KIAA1217: variants seen among roughly 807,000 people sequenced by gnomAD.
KIAA1217 encodes sickle tail protein homolog.
A neutral mutation model predicts 163.9 loss-of-function variants in KIAA1217; 88 were observed. That is an observed-to-expected ratio of 0.54 (90% confidence interval 0.45 to 0.64). KIAA1217 has a LOEUF of 0.64. Among genes scored for constraint, KIAA1217 ranks in the 30% least tolerant of loss-of-function variants. The pLI is 0.00. For missense variants in KIAA1217, 2,372 were observed against 2,475.0 expected, an observed-to-expected ratio of 0.96 and a Z score of 0.88; for synonymous variants, 903 against 923.1, an observed-to-expected ratio of 0.98 and a Z score of 0.39.
At chr10:24,228,288 A>G (rs2070873354) in intron 2 of KIAA1217, among the ~76,000 whole-genome samples, 1 of 151,964 alleles carries the variant, frequency 6.6e-6, no homozygotes, top group African/African-American at 2.4e-5. Flanking sequence ...AAAATCAAAT[A>G]TAGGTTATCA....
At chr10:24,135,722 G>T (rs1377877780) in intron 2 of KIAA1217, among the ~76,000 whole-genome samples, 1 of 152,088 alleles carries the variant, frequency 6.6e-6, no homozygotes, top group Non-Finnish European at 1.5e-5. Context: ...AGGCAGAAAG[G>T]ATTGGCAAGA....
rs11819268 is a variant in KIAA1217 at position 24,196,070 on chromosome 10, G to T, written c.-170-23556G>T. Among the ~76,000 whole-genome samples the T allele has an allele frequency of 1.3e-3, 190 of 151,948 alleles. 1 individual carries two copies. The highest frequency in any genetic ancestry group is 4.5e-3 in the African/African-American group (186 of 41,410). On this transcript the variant is annotated intron_variant, in intron 2 of 18. Transcript: ENST00000376462. ...GACTGCTTGAACCCAGAAGTTCAAG[G>T]CTGCAGCAAGGTATGATTGCACCAC...
intron 1 of KIAA1217, among the ~76,000 whole-genome samples, chr10:23,998,661 G>C (rs999083412): frequency 6.6e-6 from 1 of 152,134 alleles, no homozygotes; most frequent in South Asian, 2.1e-4. Context: ...ACTATATTCT[G>C]AATTTCATTC....
At chr10:24,451,303 C>T (rs2061356123) in intron 5 of KIAA1217, among the ~76,000 whole-genome samples, 1 of 152,212 alleles carries the variant, frequency 6.6e-6, no homozygotes, top group Non-Finnish European at 1.5e-5. Context: ...GCCCACTGCC[C>T]TTCAGGCTGC....
In KIAA1217 at chr10:23,937,533, C is replaced by T. The variant is rs544900865; in HGVS notation, c.-320-69692C>T. Among the ~76,000 whole-genome samples the T allele has an allele frequency of 7.2e-5, 11 of 152,280 alleles. No individual in the cohort carries two copies. In the South Asian group the frequency reaches 1.7e-3, roughly 23 times the overall value. On this transcript the variant is annotated intron_variant, in intron 1 of 18. Transcript: ENST00000376462. ...CTGTTCACCAGAATCTGCACCTTACCTAGCCCCACTATCCCATGTTTTATA... is the reference window on the plus strand; with the variant it reads ...CTGTTCACCAGAATCTGCACCTTACTTAGCCCCACTATCCCATGTTTTATA...
intron 14 of KIAA1217, among the ~76,000 whole-genome samples, 164 bp downstream of exon 14, chr10:24,528,283 A>T (rs1336865460): frequency 6.7e-6 from 1 of 150,106 alleles, no homozygotes; most frequent in Non-Finnish European, 1.5e-5. Context: ...TGTTCCTTAG[A>T]TCTTTACTAC....
chr10:23,735,939 T>C lies in KIAA1217; in HGVS notation c.-321+40705T>C, dbSNP rs187217433. ...TTTCTCATGAACACATATTTCATTCTCTCTTGATTAAATACCTAGGAGTGG... is the reference window on the plus strand; with the variant it reads ...TTTCTCATGAACACATATTTCATTCCCTCTTGATTAAATACCTAGGAGTGG... On this transcript the variant is annotated intron_variant, in intron 1 of 18. Transcript: ENST00000376462. 8.1e-4 allele frequency among the ~76,000 whole-genome samples: 124 copies of C among 152,316 alleles called. 2 individuals are homozygous for C. Among genetic ancestry groups the C allele is most frequent in the Admixed American group, 3.5e-3 (54 of 15,298 alleles).
At chr10:24,178,257 G>A (rs2066001917) in intron 2 of KIAA1217, among the ~76,000 whole-genome samples, 1 of 152,208 alleles carries the variant, frequency 6.6e-6, no homozygotes. Context: ...TCTGTTGATG[G>A]AATTTAATAA....
intron 17 of KIAA1217, among the ~76,000 whole-genome samples, chr10:24,537,845 T>C (rs1483837398): frequency 6.6e-6 from 1 of 152,164 alleles, no homozygotes; most frequent in African/African-American, 2.4e-5. Context: ...TCTGCTGTCA[T>C]TGTATAAGTA....
At chr10:24,502,240 C>CTTTTTT (rs772404852) in intron 9 of KIAA1217, among the ~76,000 whole-genome samples, 1 of 80,630 alleles carries the variant, frequency 1.2e-5, no homozygotes, top group Non-Finnish European at 2.4e-5. Flanking sequence ...GTCAGCCAAG[C>CTTTTTT]TTTTTTTTTT....
intron 2 of KIAA1217, among the ~76,000 whole-genome samples, chr10:24,195,267 T>C (rs1339326408): frequency 6.6e-6 from 1 of 152,210 alleles, no homozygotes; most frequent in East Asian, 1.9e-4. Flanking sequence ...TGCCTTTTAT[T>C]AAGCTTCCTG....
chr10:24,173,447 AC>A (rs1461345012), intron 2 of KIAA1217, among the ~76,000 whole-genome samples: 1 of 152,112 alleles, frequency 6.6e-6, no homozygotes, highest in Non-Finnish European at 1.5e-5. Context: ...CATCCTCAAA[AC>A]CACCCCCTGA....
chr10:24,339,119 ATAG>A (rs1427135464), intron 2 of KIAA1217, among the ~76,000 whole-genome samples: 1 of 152,230 alleles, frequency 6.6e-6, no homozygotes, highest in African/African-American at 2.4e-5. Flanking sequence ...TCTGGTATAC[ATAG>A]TAGCTCCCCC....
intron 1 of KIAA1217, among the ~76,000 whole-genome samples, chr10:23,974,823 C>T (rs2131399541): frequency 6.6e-6 from 1 of 152,166 alleles, no homozygotes; most frequent in Admixed American, 6.5e-5. Flanking sequence ...TCAGTATAAG[C>T]TACTTCTTTC....
At chr10:24,043,746 T>C (rs1053503072) in intron 2 of KIAA1217, among the ~76,000 whole-genome samples, 21 of 152,160 alleles carry the variant, frequency 1.4e-4, no homozygotes, top group African/African-American at 1.7e-4. Context: ...CATCCAAACA[T>C]TTATACAGAG....
In KIAA1217 at chr10:24,495,165, C is replaced by G. The variant is rs1232719194; in HGVS notation, c.1803C>G (p.Thr601=). 6.2e-7 allele frequency: 1 copy of G among 1,612,236 alleles called. No individual in the cohort carries two copies. Among genetic ancestry groups the G allele is most frequent in the South Asian group, 1.1e-5 (1 of 90,834 alleles). The stretch of plus-strand genomic sequence containing the variant: ...TATTCAGCGAGAAAATGATGAAAAC[C>G]ACAGCCAACAGGAACCACACAGATA... ...KDASSEKMMK[T]TANRNHTDSA... Residue 601 remains threonine, a synonymous_variant, in exon 8 of 21, where the codon ACC becomes ACG. Coordinates refer to ENST00000376454, the MANE Select transcript of KIAA1217 (RefSeq NM_019590.5).
chr10:24,218,640 C>A (rs1384309794), intron 1 of KIAA1217, among the ~76,000 whole-genome samples: 1 of 152,066 alleles, frequency 6.6e-6, no homozygotes, highest in Non-Finnish European at 1.5e-5. Context: ...AGGTGCCCAC[C>A]ACCATGCCCA....
chr10:24,308,587 T>C (rs2042266969), intron 2 of KIAA1217, among the ~76,000 whole-genome samples: 1 of 152,202 alleles, frequency 6.6e-6, no homozygotes, highest in South Asian at 2.1e-4. Context: ...GCTTTGTCTT[T>C]TGTTCTCTTT....
rs909237573 is a variant in KIAA1217, at chr10:24,068,949, C to G, written c.-171+61575C>G. Among the ~76,000 whole-genome samples the G allele has an allele frequency of 2.0e-5, 3 of 152,236 alleles. No individual in the cohort carries two copies. The East Asian group carries it at 5.8e-4, about 29-fold the overall frequency. On this transcript the variant is annotated intron_variant, in intron 2 of 18. Transcript: ENST00000376462. ...GTAGCCCTCAGGCATGTAGAATTATCTAGGTCCCATCAGCATTCTGAGACA... is the reference window on the plus strand; with the variant it reads ...GTAGCCCTCAGGCATGTAGAATTATGTAGGTCCCATCAGCATTCTGAGACA...
Sources: allele counts gnomAD v4.1 joint callset (sites outside exome capture counted in the v4.1 genomes callset), GRCh38; gene constraint gnomAD v4.1.1; transcripts MANE v1.5; gene names NCBI Gene and HGNC (gene_info 2026-07-23, HGNC 2026-07-21).